AFG2A: variants seen among roughly 807,000 people sequenced by gnomAD.
The protein encoded by AFG2A is AAA ATPase AFG2A, also known as ATPase family gene 2 protein homolog A.
At chr4:123,009,753 T>G in the AFG2A span, among the ~76,000 whole-genome samples, 1 of 152,222 alleles carries the variant, frequency 6.6e-6, no homozygotes. Context: ...TTGACGGTTT[T>G]GGGAGGAAAA....
chr4:122,923,108 C>T, the AFG2A span: 1 of 1,612,592 alleles, frequency 6.2e-7, no homozygotes, highest in Non-Finnish European at 8.5e-7. Context: ...ATTGAGTCGG[C>T]TTTTCTACTG....
the AFG2A span, among the ~76,000 whole-genome samples, chr4:123,081,223 TTCCACTGCATTAAAAA>T: frequency 2.0e-5 from 3 of 152,224 alleles, no homozygotes; most frequent in African/African-American, 7.2e-5. Flanking sequence ...TACAGAATAG[TTCCACTGCATTAAAAA>T]TCCTTTGTGC....
At chr4:123,062,662 A>C in the AFG2A span, among the ~76,000 whole-genome samples, 1 of 152,214 alleles carries the variant, frequency 6.6e-6, no homozygotes, top group Admixed American at 6.5e-5. Flanking sequence ...CTTATACAGC[A>C]TGTTATTGTA....
At chr4:122,931,253 G>C in the AFG2A span, among the ~76,000 whole-genome samples, 8 of 152,068 alleles carry the variant, frequency 5.3e-5, no homozygotes, top group Non-Finnish European at 1.0e-4. Context: ...CATTTAAGGA[G>C]ATACATGCAA....
chr4:123,118,316 A>ATATAATATATAAT, the AFG2A span, among the ~76,000 whole-genome samples: 1 of 129,334 alleles, frequency 7.7e-6, no homozygotes, highest in Admixed American at 7.8e-5. Flanking sequence ...TATATATAAT[A>ATATAATATATAAT]TATATTATAT....
At chr4:122,934,163 A>T in the AFG2A span, 2 of 1,614,166 alleles carry the variant, frequency 1.2e-6, no homozygotes, top group Non-Finnish European at 8.5e-7. Flanking sequence ...TACAAGCTGC[A>T]AGTATTGCGA....
At chr4:122,928,772 C>T in the AFG2A span, among the ~76,000 whole-genome samples, 4 of 151,914 alleles carry the variant, frequency 2.6e-5, no homozygotes, top group South Asian at 2.1e-4. Context: ...TATCTTCTAC[C>T]GTCTTCACTG....
At chr4:123,214,594 G>GA in the AFG2A span, among the ~76,000 whole-genome samples, 1 of 151,720 alleles carries the variant, frequency 6.6e-6, no homozygotes, top group African/African-American at 2.4e-5. Context: ...AAAAAATTAA[G>GA]AAAAAATGTC....
At chr4:122,963,895 C>T in the AFG2A span, among the ~76,000 whole-genome samples, 2 of 152,138 alleles carry the variant, frequency 1.3e-5, no homozygotes, top group Admixed American at 6.5e-5. Flanking sequence ...TCATCCCTCC[C>T]TGTCTCCAGT....
At chr4:123,103,943 G>A in the AFG2A span, among the ~76,000 whole-genome samples, 1 of 152,116 alleles carries the variant, frequency 6.6e-6, no homozygotes, top group Non-Finnish European at 1.5e-5. Flanking sequence ...ACAGAAATCA[G>A]TTCGGGGATC....
chr4:123,246,969 C>A, the AFG2A span, among the ~76,000 whole-genome samples: 1 of 152,002 alleles, frequency 6.6e-6, no homozygotes, highest in Non-Finnish European at 1.5e-5. Flanking sequence ...CCAATTAAAG[C>A]CTTATCTTAA....
At chr4:123,251,415 A>G in the AFG2A span, among the ~76,000 whole-genome samples, 14 of 152,304 alleles carry the variant, frequency 9.2e-5, no homozygotes, top group East Asian at 1.7e-3. Context: ...AATAATGAGT[A>G]TCATGTAGTG....
the AFG2A span, among the ~76,000 whole-genome samples, chr4:123,031,160 C>T: frequency 0.16 from 24,629 of 151,184 alleles, 2,407 homozygotes; most frequent in East Asian, 0.45. Context: ...ACTCTGTTCT[C>T]TTTTTTTTTG....
chr4:122,965,050 C>A, the AFG2A span, among the ~76,000 whole-genome samples: 32 of 152,182 alleles, frequency 2.1e-4, no homozygotes, highest in Non-Finnish European at 3.4e-4. Context: ...GCTTTGTTTT[C>A]ATATATGTGA....
the AFG2A span, among the ~76,000 whole-genome samples, chr4:122,973,466 G>GT: frequency 0.06 from 8,275 of 137,336 alleles, 369 homozygotes; most frequent in African/African-American, 0.13. Flanking sequence ...TTTTTTTCCT[G>GT]TTTTTTTTTT....
the AFG2A span, among the ~76,000 whole-genome samples, chr4:123,167,122 T>C: frequency 6.6e-6 from 1 of 150,906 alleles, no homozygotes; most frequent in East Asian, 1.9e-4. Flanking sequence ...CATAATAAGA[T>C]GAATAATTAA....
the AFG2A span, among the ~76,000 whole-genome samples, chr4:123,124,632 T>C: frequency 2.6e-5 from 4 of 152,068 alleles, no homozygotes; most frequent in Non-Finnish European, 5.9e-5. Flanking sequence ...GAACTTAAAG[T>C]ATTAAAAAAA....
At chr4:123,015,845 TG>T in the AFG2A span, among the ~76,000 whole-genome samples, 1 of 34,006 alleles carries the variant, frequency 2.9e-5, no homozygotes. Context: ...ATGGGGCGGC[TG>T]GCCGGGCGGG....
At chr4:123,256,013 T>C in the AFG2A span, 1 of 1,614,022 alleles carries the variant, frequency 6.2e-7, no homozygotes, top group African/African-American at 1.3e-5. Flanking sequence ...ATTTTCTTTA[T>C]AGGCTTTGAT....
Sources: gnomAD v4.1 joint callset for allele counts (sites outside exome capture counted in the v4.1 genomes callset) on GRCh38, gnomAD v4.1.1 for gene constraint, MANE v1.5 for transcripts, NCBI Gene and HGNC (gene_info 2026-07-23, HGNC 2026-07-21) for gene names.